Variants in CREM observed in about 807,000 individuals in gnomAD.
The protein encoded by CREM is cAMP responsive element modulator.
A neutral mutation model predicts 37.3 loss-of-function variants in CREM; 13 were observed. The observed-to-expected ratio is 0.35, with a 90% CI of 0.23 to 0.55. The LOEUF is 0.55. CREM is among the 20% of genes least tolerant of loss of function. The pLI is 0.88. For synonymous variants in CREM, 124 were observed against 120.2 expected (o/e 1.03, Z -0.21); for missense variants, 296 against 362.3 (o/e 0.82, Z 1.49).
At position 35,130,052 on chromosome 10, in the gene CREM, C is replaced by A. The variant is rs113244796; in HGVS notation, c.-55+2859C>A. ...TCTCTACTAAAAATACAAAATTAGC[C>A]GGGCATGGTGGCCCATGCCTGTAAT... On this transcript the variant is annotated intron_variant, in intron 1 of 7. Coordinates refer to ENST00000685392, the MANE Select transcript of CREM (RefSeq NM_183011.2). Among the ~76,000 whole-genome samples the A allele has an allele frequency of 6.2e-3, 939 of 152,020 alleles. 12 individuals carry two copies. Among genetic ancestry groups the A allele is most frequent in the African/African-American group, 0.021 (889 of 41,488 alleles).
intron 1 of CREM, among the ~76,000 whole-genome samples, chr10:35,131,477 GTTT>G (rs1166443385): frequency 6.6e-6 from 1 of 151,934 alleles, no homozygotes; most frequent in Non-Finnish European, 1.5e-5. Flanking sequence ...GCTTAGAAAT[GTTT>G]TTAACTGGAA....
At chr10:35,149,974 A>C (rs1370690314) in intron 3 of CREM, among the ~76,000 whole-genome samples, 1 of 151,172 alleles carries the variant, frequency 6.6e-6, no homozygotes, top group Non-Finnish European at 1.5e-5. Context: ...ATTGTAGAAA[A>C]TAAATATTAA....
chr10:35,135,721 G>GAA (rs9336981), intron 1 of CREM, among the ~76,000 whole-genome samples: 3 of 50,552 alleles, frequency 5.9e-5, no homozygotes, highest in African/African-American at 2.3e-4. Flanking sequence ...CCTATTTCTG[G>GAA]AAAAAAAAAA....
At chr10:35,135,934 C>T (rs996244063) in intron 1 of CREM, among the ~76,000 whole-genome samples, 3 of 152,026 alleles carry the variant, frequency 2.0e-5, no homozygotes, top group South Asian at 4.1e-4. Context: ...AGCAGGCAAG[C>T]GTTCATTGGT....
intron 3 of CREM, chr10:35,148,703 A>C (rs2092356751): frequency 4.2e-6 from 2 of 475,406 alleles, no homozygotes; most frequent in Admixed American, 4.1e-5. Context: ...TGCCACCACC[A>C]CTATGGAAGG....
intron 6 of CREM, among the ~76,000 whole-genome samples, chr10:35,197,974 A>G (rs2095262683): frequency 6.6e-6 from 1 of 152,138 alleles, no homozygotes; most frequent in Admixed American, 6.6e-5. Flanking sequence ...GTGTGTATGT[A>G]CCCTACATTT....
At position 35,148,509 on chromosome 10, in the gene CREM, A is replaced by G; in HGVS notation, c.168+18A>G. The G allele has an allele frequency of 6.2e-7, 1 of 1,600,690 alleles. No individual in the cohort carries two copies. Among genetic ancestry groups the G allele is most frequent in the Non-Finnish European group, 8.5e-7 (1 of 1,175,460 alleles). On this transcript the variant is annotated intron_variant, in intron 3 of 7. Coordinates refer to ENST00000685392, the MANE Select transcript of CREM (RefSeq NM_183011.2). ...TAGCTCAGGTAGGCAATAGGCAGGC[A>G]CCGTTGAAAGTCAAAATATATGGAA... is the stretch of plus-strand genomic sequence containing the variant.
At chr10:35,207,588 A>G (rs999126576) in intron 7 of CREM, among the ~76,000 whole-genome samples, 9 of 152,110 alleles carry the variant, frequency 5.9e-5, no homozygotes, top group Non-Finnish European at 1.2e-4. Context: ...ATCCTGGCCA[A>G]TATGACGAAA....
chr10:35,187,106 T>TA lies in CREM; in HGVS notation c.410-1093dup, dbSNP rs537924034. ...TATAATATATAATATATATGATATA[T>TA]ATTATATAAATATATAAATATATTA... On this transcript the variant is annotated intron_variant, in intron 5 of 7. Coordinates refer to ENST00000685392, the MANE Select transcript of CREM (RefSeq NM_183011.2). Among the ~76,000 whole-genome samples the TA allele has an allele frequency of 7.5e-3, 537 of 71,994 alleles. 7 individuals are homozygous for TA. Among genetic ancestry groups the TA allele is most frequent in the African/African-American group, 0.028 (506 of 18,114 alleles). 47.2% of individuals were successfully genotyped at this position (71,994 alleles called of 152,430 possible).
At chr10:35,128,940 C>G (rs1168977499) in intron 1 of CREM, among the ~76,000 whole-genome samples, 1 of 152,142 alleles carries the variant, frequency 6.6e-6, no homozygotes, top group Non-Finnish European at 1.5e-5. Flanking sequence ...AAATTGCACA[C>G]AATATGTTTT....
chr10:35,201,621 G>A, intron 6 of CREM: 1 of 1,172,472 alleles, frequency 8.5e-7, no homozygotes. Flanking sequence ...CTTTTCCCAT[G>A]AAATATTTGA....
chr10:35,187,143 TA>T (rs1258395210), intron 5 of CREM, among the ~76,000 whole-genome samples: 7 of 73,100 alleles, frequency 9.6e-5, no homozygotes, highest in African/African-American at 3.7e-4. Context: ...TATATTAATA[TA>T]TAATATATAT....
Position 35,211,960 on chromosome 10 carries a change from C to T in CREM, c.*562C>T, listed in dbSNP as rs2095670146. ...AATGCTTCACTGTACGTAGTTAAGT[C>T]GTAGCTATAACTTCAAATTTTTTAA... On this transcript the variant is annotated 3_prime_UTR_variant, in exon 8 of 8. Transcript: ENST00000685392. The T allele has an allele frequency of 3.0e-6, 2 of 672,144 alleles. No homozygotes were observed. Among genetic ancestry groups the T allele is most frequent in the East Asian group, 3.2e-5 (1 of 31,424 alleles). The allele number at this position is 672,144 out of a possible 1,614,324, so 41.6% of individuals were successfully genotyped here. A position where few individuals can be genotyped will look rare whatever the true frequency, so the allele number is the denominator to read the frequency against.
chr10:35,186,951 A>G lies in CREM; in HGVS notation c.410-1249A>G, dbSNP rs868171330. Among the ~76,000 whole-genome samples, 6 of 98,128 alleles carry G rather than the reference A, an allele frequency of 6.1e-5. No individual in the cohort carries two copies. In the South Asian group the frequency reaches 1.3e-3, roughly 22 times the overall value. The allele number at this position is 98,128 out of a possible 152,430, so 64.4% of individuals were successfully genotyped here. A position where few individuals can be genotyped will look rare whatever the true frequency, so the allele number is the denominator to read the frequency against. ...TATATATAAATACAATATAAATTAT[A>G]TATATAAATATATAATTTATATATT... On this transcript the variant is annotated intron_variant, in intron 5 of 7. Coordinates refer to ENST00000685392, the MANE Select transcript of CREM (RefSeq NM_183011.2).
At chr10:35,142,500 A>T (rs1049302303) in intron 2 of CREM, among the ~76,000 whole-genome samples, 2 of 152,302 alleles carry the variant, frequency 1.3e-5, no homozygotes, top group African/African-American at 4.8e-5. Flanking sequence ...GATTGAGAAG[A>T]GGGAGAACAT....
At chr10:35,145,998 C>T (rs1456976915) in intron 2 of CREM, among the ~76,000 whole-genome samples, 1 of 152,140 alleles carries the variant, frequency 6.6e-6, no homozygotes, top group Non-Finnish European at 1.5e-5. Flanking sequence ...TGCGAGTTGT[C>T]CAAGGACCAT....
intron 3 of CREM, chr10:35,167,725 G>A (rs1031393791): frequency 1.2e-6 from 2 of 1,613,802 alleles, no homozygotes; most frequent in East Asian, 2.2e-5. Context: ...ATTTTTGGTG[G>A]ATGTGGTGGC....
intron 1 of CREM, chr10:35,135,368 A>T (rs944478481): frequency 6.6e-6 from 1 of 152,198 alleles, no homozygotes; most frequent in Non-Finnish European, 1.5e-5. Flanking sequence ...TTGGTAGTAT[A>T]TAAGTGTTTT....
intron 3 of CREM, among the ~76,000 whole-genome samples, chr10:35,178,018 T>C (rs2094173854): frequency 6.6e-6 from 1 of 152,142 alleles, no homozygotes; most frequent in Non-Finnish European, 1.5e-5. Context: ...GGGAAGTATA[T>C]ATTCTTGCTT....
Sources: gnomAD v4.1 joint callset for allele counts (sites outside exome capture counted in the v4.1 genomes callset) on GRCh38, gnomAD v4.1.1 for gene constraint, MANE v1.5 for transcripts, NCBI Gene and HGNC (gene_info 2026-07-23, HGNC 2026-07-21) for gene names.